The following PRKCH variants were observed in gnomAD, a reference collection of about 807,000 sequenced individuals.
PRKCH encodes protein kinase C eta type.
A neutral mutation model predicts 82.5 loss-of-function variants in PRKCH; 28 were observed. The observed-to-expected ratio is 0.34, with a 90% CI of 0.25 to 0.47. The LOEUF (loss-of-function observed/expected upper bound fraction) is 0.47. Ranked by LOEUF, PRKCH falls within the 20% of genes least tolerant of loss-of-function variation. The pLI, the probability that PRKCH is intolerant of heterozygous loss-of-function variation, is 1.00. For synonymous variants in PRKCH, 322 were observed against 327.4 expected (o/e 0.98, Z 0.18); for missense variants, 705 against 881.8 (o/e 0.80, Z 2.54).
At chr14:61,487,770 A>C (rs1040281108) in intron 10 of PRKCH, among the ~76,000 whole-genome samples, 1 of 151,314 alleles carries the variant, frequency 6.6e-6, no homozygotes, top group African/African-American at 2.4e-5. Context: ...AGCGGGGAGG[A>C]TCGCTTGAGC....
At chr14:61,352,886 G>C (rs922271997) in intron 1 of PRKCH, among the ~76,000 whole-genome samples, 2 of 152,118 alleles carry the variant, frequency 1.3e-5, no homozygotes, top group African/African-American at 4.8e-5. Context: ...ATGTGTTTCT[G>C]AATTCAGGAT....
At chr14:61,423,473 C>T (rs530526904) in intron 2 of PRKCH, among the ~76,000 whole-genome samples, 1 of 152,150 alleles carries the variant, frequency 6.6e-6, no homozygotes, top group Non-Finnish European at 1.5e-5. Context: ...GATGCAGTGA[C>T]TGAGTAAGAA....
In PRKCH at chr14:61,549,936, C is replaced by A; in HGVS notation, c.*105C>A. ...CCAGCATCAGCCTTAGAACAAGAACCTTACCTTCAAGGAGCAAGTGAAGAA... is the reference window on the plus strand; with the variant it reads ...CCAGCATCAGCCTTAGAACAAGAACATTACCTTCAAGGAGCAAGTGAAGAA... On this transcript the variant is annotated 3_prime_UTR_variant, in exon 14 of 14. Coordinates refer to ENST00000332981, the MANE Select transcript of PRKCH (RefSeq NM_006255.5). 1 of 1,290,604 alleles carries A rather than the reference C, an allele frequency of 7.7e-7. No individual in the cohort carries two copies. Among genetic ancestry groups the A allele is most frequent in the Non-Finnish European group, 1.1e-6 (1 of 941,340 alleles). 79.9% of individuals were successfully genotyped at this position (1,290,604 alleles called of 1,614,324 possible).
chr14:61,502,638 T>TA (rs1394218780), intron 10 of PRKCH, among the ~76,000 whole-genome samples: 1 of 152,138 alleles, frequency 6.6e-6, no homozygotes, highest in Non-Finnish European at 1.5e-5. Context: ...GTGGACTGCT[T>TA]ATTCACCAGG....
At chr14:61,369,006 G>T (rs1036719855) in intron 1 of PRKCH, among the ~76,000 whole-genome samples, 12 of 152,076 alleles carry the variant, frequency 7.9e-5, no homozygotes, top group African/African-American at 2.7e-4. Context: ...CACCCAAGCT[G>T]TGTACTTGGT....
intron 1 of PRKCH, among the ~76,000 whole-genome samples, chr14:61,294,367 G>A (rs1048024438): frequency 1.5e-4 from 23 of 152,054 alleles, no homozygotes; most frequent in African/African-American, 4.6e-4. Context: ...TGATCTGCCC[G>A]CCTCGGCCTC....
intron 1 of PRKCH, among the ~76,000 whole-genome samples, chr14:61,367,808 A>G (rs975698212): frequency 1.3e-5 from 2 of 148,714 alleles, no homozygotes; most frequent in Admixed American, 6.8e-5. Flanking sequence ...TCCGCCTCCC[A>G]GGTTCACGCC....
rs1427278288 is a variant in PRKCH, at chr14:61,550,504, T to C, written c.*673T>C. 1 of 152,710 alleles carries C rather than the reference T, an allele frequency of 6.5e-6. No individual in the cohort carries two copies. Among genetic ancestry groups the C allele is most frequent in the Non-Finnish European group, 1.5e-5 (1 of 68,054 alleles). The allele number at this position is 152,710 out of a possible 1,614,324, so 9.5% of individuals were successfully genotyped here. On this transcript the variant is annotated 3_prime_UTR_variant, in exon 14 of 14. Coordinates refer to ENST00000332981, the MANE Select transcript of PRKCH (RefSeq NM_006255.5). ...TGAAAAGGTGCCACAATGCCCAGTATTGTAAACAACAGGTTTGCATTCATG... is the reference window on the plus strand; with the variant it reads ...TGAAAAGGTGCCACAATGCCCAGTACTGTAAACAACAGGTTTGCATTCATG...
chr14:61,294,991 G>A (rs1424142710), intron 1 of PRKCH, among the ~76,000 whole-genome samples: 1 of 152,078 alleles, frequency 6.6e-6, no homozygotes, highest in Non-Finnish European at 1.5e-5. Context: ...TCATGCCTCA[G>A]CCTCCCGAGT....
At chr14:61,526,242 T>A (rs2042964761) in intron 10 of PRKCH, among the ~76,000 whole-genome samples, 1 of 152,234 alleles carries the variant, frequency 6.6e-6, no homozygotes, top group Non-Finnish European at 1.5e-5. Context: ...GACATGGGAT[T>A]CTGCGTGGAG....
rs897007705 is a variant in PRKCH at position 61,549,964 on chromosome 14, CTG to C, written c.*136_*137del. 4 of 968,230 alleles carry C rather than the reference CTG, an allele frequency of 4.1e-6. No individual in the cohort carries two copies. The highest frequency in any genetic ancestry group is 6.0e-6 in the Non-Finnish European group (4 of 662,102). The allele number at this position is 968,230 out of a possible 1,614,324, so 60.0% of individuals were successfully genotyped here. A position where few individuals can be genotyped will look rare whatever the true frequency, so the allele number is the denominator to read the frequency against. On this transcript the variant is annotated 3_prime_UTR_variant, in exon 14 of 14. Transcript: ENST00000332981. ...ACCTTCAAGGAGCAAGTGAAGAACT[CTG>C]TGAAGGATGGAACTTTCAGATATCA...
intron 2 of PRKCH, among the ~76,000 whole-genome samples, chr14:61,407,321 G>T (rs867886360): frequency 5.9e-5 from 9 of 152,274 alleles, no homozygotes; most frequent in Middle Eastern, 3.4e-3. Flanking sequence ...CTGAAGGCGG[G>T]ACTGCATGTC....
intron 2 of PRKCH, among the ~76,000 whole-genome samples, chr14:61,421,562 A>G (rs1882833901): frequency 6.6e-6 from 1 of 152,050 alleles, no homozygotes; most frequent in Non-Finnish European, 1.5e-5. Context: ...CTAGGCTGGT[A>G]TTGACCTGCT....
At chr14:61,412,689 C>A (rs1289855119) in intron 2 of PRKCH, among the ~76,000 whole-genome samples, 2 of 152,166 alleles carry the variant, frequency 1.3e-5, no homozygotes, top group Non-Finnish European at 2.9e-5. Flanking sequence ...AGATACTTAG[C>A]AAAAACGGAA....
chr14:61,504,345 C>A (rs1198281353), intron 10 of PRKCH, among the ~76,000 whole-genome samples: 1 of 152,060 alleles, frequency 6.6e-6, no homozygotes. Context: ...CTCACCACCA[C>A]CCCCGGCTAA....
At chr14:61,285,270 T>G (rs1353424308) in intron 1 of PRKCH, among the ~76,000 whole-genome samples, 1 of 152,206 alleles carries the variant, frequency 6.6e-6, no homozygotes, top group Non-Finnish European at 1.5e-5. Flanking sequence ...ACCAAAAATT[T>G]GCCAACAAAA....
intron 1 of PRKCH, among the ~76,000 whole-genome samples, chr14:61,259,360 C>T (rs180680582): frequency 1.6e-4 from 25 of 152,188 alleles, no homozygotes; most frequent in African/African-American, 5.1e-4. Context: ...ATTTTCTGGG[C>T]GTTTATGGAA....
chr14:61,438,946 C>T lies in PRKCH; in HGVS notation c.428-4165C>T, dbSNP rs1447560351. Among the ~76,000 whole-genome samples the T allele has an allele frequency of 2.0e-5, 3 of 152,190 alleles. No individual in the cohort carries two copies. The South Asian group carries it at 6.2e-4, about 32-fold the overall frequency. On this transcript the variant is annotated intron_variant, in intron 2 of 13. Coordinates refer to ENST00000332981, the MANE Select transcript of PRKCH (RefSeq NM_006255.5). ...CAAAACCCACTTCTGGTGAGGCAGA[C>T]CAGGGCTCCAGGCCAGCACCCCTCT...
At chr14:61,335,572 TA>T (rs1206472096) in intron 1 of PRKCH, among the ~76,000 whole-genome samples, 1 of 151,852 alleles carries the variant, frequency 6.6e-6, no homozygotes, top group Non-Finnish European at 1.5e-5. Context: ...AAAATAAAAA[TA>T]AAAAAAACCA....
Sources: gnomAD v4.1 joint callset for allele counts (sites outside exome capture counted in the v4.1 genomes callset) on GRCh38, gnomAD v4.1.1 for gene constraint, MANE v1.5 for transcripts, NCBI Gene and HGNC (gene_info 2026-07-23, HGNC 2026-07-21) for gene names.